PARD3B: variants seen among roughly 807,000 people sequenced by gnomAD.
PARD3B encodes the protein par-3 family cell polarity regulator beta, also known as partitioning defective 3 homolog B.
A neutral mutation model predicts 130.2 loss-of-function variants in PARD3B; 103 were observed. The observed-to-expected ratio is 0.79, with a 90% CI of 0.67 to 0.93. PARD3B has a LOEUF of 0.93. Ranked by LOEUF, PARD3B falls within the 40% of genes least tolerant of loss-of-function variation. The pLI, the probability that PARD3B is intolerant of heterozygous loss-of-function variation, is 0.00. For synonymous variants in PARD3B, 583 were observed against 553.2 expected (o/e 1.05, Z -0.76); for missense variants, 1,609 against 1,499.2 (o/e 1.07, Z -1.21).
chr2:204,783,348 CTG>C (rs2041905298), intron 2 of PARD3B, among the ~76,000 whole-genome samples: 1 of 152,112 alleles, frequency 6.6e-6, no homozygotes, highest in East Asian at 1.9e-4. Context: ...GGCCTGTTCT[CTG>C]TGTGGGTATG....
At chr2:204,587,902 C>T (rs1388926348) in intron 1 of PARD3B, among the ~76,000 whole-genome samples, 2 of 152,178 alleles carry the variant, frequency 1.3e-5, no homozygotes, top group Non-Finnish European at 1.5e-5. Flanking sequence ...TTTCCTCCCA[C>T]TTTGCTCTGG....
intron 2 of PARD3B, among the ~76,000 whole-genome samples, chr2:204,763,367 C>G (rs2040992871): frequency 6.6e-6 from 1 of 152,156 alleles, no homozygotes; most frequent in African/African-American, 2.4e-5. Flanking sequence ...TTGACTCTAT[C>G]TGATTATTTT....
intron 2 of PARD3B, among the ~76,000 whole-genome samples, chr2:204,761,241 G>C (rs1214522088): frequency 2.6e-5 from 4 of 152,128 alleles, no homozygotes; most frequent in Admixed American, 1.3e-4. Flanking sequence ...ATTTATTTTA[G>C]TGTTTCATCA....
At chr2:204,567,339 T>A (rs892525388) in intron 1 of PARD3B, among the ~76,000 whole-genome samples, 1 of 152,152 alleles carries the variant, frequency 6.6e-6, no homozygotes. Flanking sequence ...CTTCCCAAAC[T>A]GAAACTCCAT....
intron 14 of PARD3B, among the ~76,000 whole-genome samples, chr2:205,191,158 C>T (rs55999859): frequency 0.48 from 72,950 of 151,318 alleles, 18,059 homozygotes; most frequent in African/African-American, 0.55. Flanking sequence ...TGTGAAATCT[C>T]TTCATTGGCA....
intron 4 of PARD3B, among the ~76,000 whole-genome samples, chr2:205,050,770 T>G (rs565280774): frequency 6.6e-6 from 1 of 152,172 alleles, no homozygotes; most frequent in African/African-American, 2.4e-5. Context: ...TGGTTCTTAT[T>G]CTGTTTTATT....
chr2:205,060,892 T>C (rs537269031), intron 4 of PARD3B, among the ~76,000 whole-genome samples: 3 of 152,232 alleles, frequency 2.0e-5, no homozygotes, highest in African/African-American at 7.2e-5. Context: ...GGGTCATGTA[T>C]AGAGAACCCA....
chr2:204,887,727 C>A lies in PARD3B; in HGVS notation c.223-77425C>A, dbSNP rs2046311861. Among the ~76,000 whole-genome samples the A allele has an allele frequency of 1.3e-5, 2 of 151,966 alleles. No homozygotes were observed. Among genetic ancestry groups the A allele is most frequent in the Admixed American group, 1.3e-4 (2 of 15,246 alleles). On this transcript the variant is annotated intron_variant, in intron 2 of 22. Coordinates refer to ENST00000406610, the MANE Select transcript of PARD3B (RefSeq NM_001302769.2). The surrounding 1 kb of genome is among the most constrained non-coding windows in gnomAD (Gnocchi z 4.2). ...TTGAAATCACATCCCTTCCCTCAAGCAGAATGCAAGGTAACTGGAGACATA... is the reference window on the plus strand; with the variant it reads ...TTGAAATCACATCCCTTCCCTCAAGAAGAATGCAAGGTAACTGGAGACATA...
At chr2:205,451,555 T>C (rs960990060) in intron 20 of PARD3B, among the ~76,000 whole-genome samples, 3 of 152,138 alleles carry the variant, frequency 2.0e-5, no homozygotes, top group Non-Finnish European at 4.4e-5. Flanking sequence ...TTTCGTCAAA[T>C]ATATTCTTAT....
chr2:204,907,943 C>G lies in PARD3B; in HGVS notation c.223-57209C>G, dbSNP rs2047094851. Among the ~76,000 whole-genome samples, 1 of 152,080 alleles carries G rather than the reference C, an allele frequency of 6.6e-6. No individual in the cohort carries two copies. The highest frequency in any genetic ancestry group is 2.4e-5 in the African/African-American group (1 of 41,396). On this transcript the variant is annotated intron_variant, in intron 2 of 22. Coordinates refer to ENST00000406610, the MANE Select transcript of PARD3B (RefSeq NM_001302769.2). This position sits in a 1 kb window ranked among gnomAD's most constrained non-coding sequence, Gnocchi z 5.7. ...TCTCAAACTCCTGGCCTCAAGTGAC[C>G]TGCCTGCCTCAGCCTCCCAAAGTGC...
chr2:205,457,902 C>T (rs1379682140), intron 20 of PARD3B, among the ~76,000 whole-genome samples: 1 of 152,110 alleles, frequency 6.6e-6, no homozygotes, highest in East Asian at 1.9e-4. Context: ...CATTGGAGCA[C>T]TTTGGATTTT....
At chr2:205,595,390 T>C (rs530406400) in intron 22 of PARD3B, among the ~76,000 whole-genome samples, 1 of 152,378 alleles carries the variant, frequency 6.6e-6, no homozygotes, top group African/African-American at 2.4e-5. Context: ...TAACATTTTA[T>C]TGGGTAATGG....
intron 18 of PARD3B, among the ~76,000 whole-genome samples, chr2:205,360,107 A>C (rs1431984774): frequency 6.6e-6 from 1 of 152,204 alleles, no homozygotes; most frequent in African/African-American, 2.4e-5. Flanking sequence ...TTGAATGCAT[A>C]TCAAGTTGTA....
chr2:205,437,883 G>A (rs1296521486), intron 19 of PARD3B, among the ~76,000 whole-genome samples: 1 of 152,008 alleles, frequency 6.6e-6, no homozygotes, highest in Non-Finnish European at 1.5e-5. Context: ...AGTTCCCAGT[G>A]GTAAGGAAAC....
At chr2:205,117,667 A>C (rs2125609113) in intron 6 of PARD3B, among the ~76,000 whole-genome samples, 1 of 152,374 alleles carries the variant, frequency 6.6e-6, no homozygotes, top group East Asian at 1.9e-4. Context: ...TTTATACAAA[A>C]GAGAGTGACA....
At chr2:205,266,994 A>G (rs1403525520) in intron 16 of PARD3B, among the ~76,000 whole-genome samples, 1 of 152,196 alleles carries the variant, frequency 6.6e-6, no homozygotes, top group Non-Finnish European at 1.5e-5. Context: ...AGAAGAAGAC[A>G]ATAAAAGAAA....
At chr2:205,077,567 T>G (rs560797431) in intron 4 of PARD3B, among the ~76,000 whole-genome samples, 1 of 152,302 alleles carries the variant, frequency 6.6e-6, no homozygotes, top group East Asian at 1.9e-4. Flanking sequence ...TGATCTCTGT[T>G]ACTTGAAGAA....
At chr2:205,103,825 C>T (rs1703003761) in intron 4 of PARD3B, 2 of 806,090 alleles carry the variant, frequency 2.5e-6, no homozygotes. Flanking sequence ...CTCTGACCCT[C>T]TAACCTTTCT....
intron 11 of PARD3B, among the ~76,000 whole-genome samples, chr2:205,167,993 T>C (rs752143130): frequency 9.2e-5 from 14 of 152,160 alleles, no homozygotes; most frequent in Non-Finnish European, 1.8e-4. Context: ...CGTCCTACTG[T>C]GATAGGACCA....
Sources: gnomAD v4.1 joint callset for allele counts (sites outside exome capture counted in the v4.1 genomes callset) on GRCh38, gnomAD v4.1.1 for gene constraint, Gnocchi (gnomAD v3.1) non-coding constraint, MANE v1.5 for transcripts, NCBI Gene and HGNC (gene_info 2026-07-23, HGNC 2026-07-21) for gene names.